Variants in WWOX observed in about 807,000 individuals in gnomAD.
WWOX encodes the protein WW domain containing oxidoreductase, also known as WW domain-containing oxidoreductase.
In WWOX, 69 loss-of-function variants were observed where a neutral mutation model predicts 46.2. That is an observed-to-expected ratio of 1.49 (90% CI 1.23 to 1.82). The LOEUF is 1.82. Among genes scored for constraint, WWOX ranks in the 40% most tolerant of loss-of-function variants. The pLI is 0.00. For synonymous variants in WWOX, 359 were observed against 202.6 expected, an observed-to-expected ratio of 1.77 and a Z score of -6.56; for missense variants, 919 against 542.6, an observed-to-expected ratio of 1.69 and a Z score of -6.89.
intron 2 of WWOX, among the ~76,000 whole-genome samples, chr16:78,109,476 C>T (rs2032359195): frequency 6.6e-6 from 1 of 152,222 alleles, no homozygotes. Context: ...TACATATGTT[C>T]TTTGAGCTCA....
intron 8 of WWOX, among the ~76,000 whole-genome samples, chr16:79,067,733 G>T (rs1050771289): frequency 6.6e-6 from 1 of 152,104 alleles, no homozygotes; most frequent in South Asian, 2.1e-4. Context: ...AGCTGTATTC[G>T]CTGTGCCTAT....
Position 78,519,904 on chromosome 16 carries a change from G to A in WWOX, c.1056+87152G>A, listed in dbSNP as rs549420394. Reference sequence around the variant, plus strand: ...AGTTATACTATTTTGGGATCGCAGCGTGAATGGACTAAAGGTTTTTGAGAT... The same window carrying A: ...AGTTATACTATTTTGGGATCGCAGCATGAATGGACTAAAGGTTTTTGAGAT... On this transcript the variant is annotated intron_variant, in intron 8 of 8. Coordinates refer to ENST00000566780, the MANE Select transcript of WWOX (RefSeq NM_016373.4). 1.6e-4 allele frequency among the ~76,000 whole-genome samples: 24 copies of A among 152,236 alleles called. 1 individual carries two copies. In the South Asian group the frequency reaches 3.7e-3, roughly 24 times the overall value.
At chr16:78,952,366 TG>T (rs924336234) in intron 8 of WWOX, among the ~76,000 whole-genome samples, 37 of 150,096 alleles carry the variant, frequency 2.5e-4, no homozygotes, top group African/African-American at 8.4e-4. Flanking sequence ...TTTACATTTT[TG>T]TTTTTTTGTT....
At chr16:78,694,477 C>G (rs533057277) in intron 8 of WWOX, among the ~76,000 whole-genome samples, 153 of 152,268 alleles carry the variant, frequency 1.0e-3, no homozygotes, top group African/African-American at 3.5e-3. Context: ...GTCAGTCTTG[C>G]TTTCCATTGC....
At chr16:79,115,991 T>C (rs2049508246) in intron 8 of WWOX, among the ~76,000 whole-genome samples, 1 of 152,212 alleles carries the variant, frequency 6.6e-6, no homozygotes, top group Non-Finnish European at 1.5e-5. Context: ...ACATGAATTT[T>C]GGAGTTTCCC....
intron 8 of WWOX, among the ~76,000 whole-genome samples, chr16:78,581,011 T>G (rs1045768860): frequency 6.6e-6 from 1 of 152,210 alleles, no homozygotes; most frequent in South Asian, 2.1e-4. Context: ...TGTGAACTTA[T>G]TAAATGACTT....
intron 8 of WWOX, among the ~76,000 whole-genome samples, chr16:78,905,385 T>C (rs972202780): frequency 5.3e-5 from 8 of 152,154 alleles, no homozygotes; most frequent in Non-Finnish European, 2.9e-5. Flanking sequence ...AGAATTCTTA[T>C]TTATTTATTT....
intron 8 of WWOX, among the ~76,000 whole-genome samples, chr16:78,484,949 T>G (rs527658257): frequency 6.6e-6 from 1 of 152,230 alleles, no homozygotes; most frequent in South Asian, 2.1e-4. Context: ...ACAGCCTGTG[T>G]ACCTGGCAAG....
intron 8 of WWOX, among the ~76,000 whole-genome samples, chr16:78,985,497 C>T (rs12444286): frequency 0.99 from 150,322 of 152,344 alleles, 74,202 homozygotes; most frequent in East Asian, 1. Flanking sequence ...GGGCCAGGCG[C>T]GGTGGCTCAC....
At chr16:78,564,167 A>C (rs915886015) in intron 8 of WWOX, among the ~76,000 whole-genome samples, 1 of 152,220 alleles carries the variant, frequency 6.6e-6, no homozygotes, top group Non-Finnish European at 1.5e-5. Context: ...TGACTCATGC[A>C]ATCTTGAGCT....
rs5818144 is a variant in WWOX, at chr16:78,497,540, A to AGAGG, written c.1056+64791_1056+64792insGGAG. ...CAGAGTGAAGCAGCATCCTACAGAA[A>AGAGG]GAGAATATTTGCAAACCACACATGT... On this transcript the variant is annotated intron_variant, in intron 8 of 8. Transcript: ENST00000566780. Among the ~76,000 whole-genome samples the AGAGG allele has an allele frequency of 3.3e-4, 5 of 15,036 alleles. No individual in the cohort carries two copies. The East Asian group carries it at 0.019, about 58-fold the overall frequency. The allele number at this position is 15,036 out of a possible 152,430, so 9.9% of individuals were successfully genotyped here.
intron 8 of WWOX, 35 bp from the exon 9 acceptor site, chr16:79,211,573 A>AC: frequency 6.2e-7 from 1 of 1,613,778 alleles, no homozygotes; most frequent in East Asian, 2.2e-5. Flanking sequence ...TCCTTTTCTT[A>AC]AAATTTTTTT....
intron 8 of WWOX, among the ~76,000 whole-genome samples, chr16:79,038,277 G>A (rs754702256): frequency 6.6e-6 from 1 of 152,028 alleles, no homozygotes; most frequent in Non-Finnish European, 1.5e-5. Context: ...GTCTCCTGAA[G>A]ATAAAATACA....
At chr16:78,169,799 C>A (rs138689866) in intron 5 of WWOX, among the ~76,000 whole-genome samples, 66 of 151,920 alleles carry the variant, frequency 4.3e-4, no homozygotes, top group African/African-American at 1.4e-3. Flanking sequence ...GAGGCAGGGG[C>A]GGTGGATTGA....
At chr16:78,220,206 G>A (rs76897042) in intron 5 of WWOX, among the ~76,000 whole-genome samples, 145 of 152,246 alleles carry the variant, frequency 9.5e-4, no homozygotes, top group African/African-American at 3.2e-3. Context: ...TGGAAATTGC[G>A]TTTCTTTGGC....
intron 8 of WWOX, among the ~76,000 whole-genome samples, chr16:78,545,455 A>G (rs1341000524): frequency 6.6e-6 from 1 of 152,124 alleles, no homozygotes; most frequent in African/African-American, 2.4e-5. Context: ...TGGGATGAAG[A>G]GCTTCTCCTG....
chr16:79,203,032 GCTCA>G (rs779023375), intron 8 of WWOX: 2 of 152,146 alleles, frequency 1.3e-5, no homozygotes, highest in Admixed American at 6.5e-5. Flanking sequence ...GCTTTAAAAT[GCTCA>G]CTAACACCGA....
At chr16:79,047,925 A>G (rs771232615) in intron 8 of WWOX, among the ~76,000 whole-genome samples, 2 of 152,044 alleles carry the variant, frequency 1.3e-5, no homozygotes, top group Admixed American at 6.6e-5. Flanking sequence ...ACACCCGAGC[A>G]ATTACCTAGC....
At chr16:78,920,782 C>G (rs76611744) in intron 8 of WWOX, among the ~76,000 whole-genome samples, 38 of 152,118 alleles carry the variant, frequency 2.5e-4, no homozygotes, top group Non-Finnish European at 5.0e-4. Flanking sequence ...CTTCTTATTA[C>G]GCTGAGCATG....
Sources: allele counts gnomAD v4.1 joint callset (sites outside exome capture counted in the v4.1 genomes callset), GRCh38; gene constraint gnomAD v4.1.1; transcripts MANE v1.5; gene names NCBI Gene and HGNC (gene_info 2026-07-23, HGNC 2026-07-21).